Variants in TRPC5 observed in about 807,000 individuals in gnomAD.
TRPC5 encodes the protein short transient receptor potential channel 5.
A neutral mutation model predicts 56.5 loss-of-function variants in TRPC5; 9 were observed. That is an observed-to-expected ratio of 0.16 (90% CI 0.10 to 0.28). The LOEUF (loss-of-function observed/expected upper bound fraction) is 0.28. Ranked by LOEUF, TRPC5 falls within the 10% of genes least tolerant of loss-of-function variation. The probability of loss-of-function intolerance (pLI) is 1.00; values close to 1 mark genes in which losing one functional copy is unlikely to be tolerated. For synonymous variants in TRPC5, 282 were observed against 278.5 expected (o/e 1.01, Z -0.13); for missense variants, 469 against 748.9 (o/e 0.63, Z 4.36).
At chrX:111,916,645 G>A (rs1925985192) in intron 2 of TRPC5, among the ~76,000 whole-genome samples, 2 of 112,106 alleles carry the variant, frequency 1.8e-5, no homozygotes, top group African/African-American at 6.5e-5. Context: ...GATAGAAACT[G>A]GTAAACTGCA....
At chrX:111,821,264 C>A (rs1473757807) in intron 7 of TRPC5, among the ~76,000 whole-genome samples, 10 of 111,475 alleles carry the variant, frequency 9.0e-5, no homozygotes, top group Non-Finnish European at 1.9e-4. Flanking sequence ...AGTTCAAATA[C>A]CCAGGGGGAA....
At chrX:111,787,414 G>C (rs748881390) in intron 7 of TRPC5, among the ~76,000 whole-genome samples, 1 of 111,262 alleles carries the variant, frequency 9.0e-6, no homozygotes, top group South Asian at 3.8e-4. Flanking sequence ...GCAGTGTGTA[G>C]AGGGAAATTT....
intron 2 of TRPC5, among the ~76,000 whole-genome samples, chrX:111,925,479 G>A (rs955684838): frequency 3.6e-5 from 4 of 112,035 alleles, no homozygotes; most frequent in Non-Finnish European, 7.5e-5. Context: ...ATTATCTTTT[G>A]GGGGGTAATA....
At chrX:112,011,516 G>C (rs1928992286) in intron 1 of TRPC5, among the ~76,000 whole-genome samples, 1 of 111,741 alleles carries the variant, frequency 8.9e-6, no homozygotes. Context: ...AGTAAATCCA[G>C]TTATTCATCT....
intron 3 of TRPC5, among the ~76,000 whole-genome samples, chrX:111,875,332 T>C (rs913281745): frequency 2.7e-5 from 3 of 111,416 alleles, no homozygotes; most frequent in African/African-American, 9.8e-5. Context: ...ACATTTCTAG[T>C]GCCTTGAGTT....
intron 2 of TRPC5, among the ~76,000 whole-genome samples, chrX:111,931,734 C>A (rs140554534): frequency 2.7e-5 from 3 of 111,431 alleles, no homozygotes; most frequent in Non-Finnish European, 5.6e-5. Context: ...AACATTAAAT[C>A]GTACTAAATC....
chrX:111,957,748 C>CA (rs1927275163), intron 1 of TRPC5, among the ~76,000 whole-genome samples: 2 of 112,250 alleles, frequency 1.8e-5, no homozygotes, highest in African/African-American at 6.5e-5. Flanking sequence ...ACGCCCAGAG[C>CA]ACTTGGTAGT....
At chrX:111,889,879 C>A (rs1418809516) in intron 3 of TRPC5, among the ~76,000 whole-genome samples, 1 of 111,382 alleles carries the variant, frequency 9.0e-6, no homozygotes, top group Non-Finnish European at 1.9e-5. Context: ...TAATGTTCAG[C>A]TAGGCTTTTT....
chrX:111,832,257 G>A (rs940180271), intron 7 of TRPC5, among the ~76,000 whole-genome samples: 2 of 111,613 alleles, frequency 1.8e-5, no homozygotes, highest in Admixed American at 9.5e-5. Context: ...CAGCATCTCT[G>A]AATCCTGCAT....
At chrX:111,904,080 T>C (rs776590498) in intron 3 of TRPC5, 8 of 111,920 alleles carry the variant, frequency 7.1e-5, no homozygotes, top group Non-Finnish European at 1.5e-4. Context: ...TAGCAGAGCA[T>C]AATAAGAGAG....
chrX:112,043,288 T>C (rs1053962430), intron 1 of TRPC5, among the ~76,000 whole-genome samples: 1 of 111,900 alleles, frequency 8.9e-6, no homozygotes, highest in Non-Finnish European at 1.9e-5. Flanking sequence ...AACATTTTCG[T>C]ATAAAAAGTA....
rs1266027713 is a variant in TRPC5 at position 111,983,976 on chromosome X, C to T, written c.-21-31535G>A. ...CTCAGAACCTGCTCAGGCCTTATCACGTATATATCACTTTTATTTGATGAT... is the reference window on the plus strand; with the variant it reads ...CTCAGAACCTGCTCAGGCCTTATCATGTATATATCACTTTTATTTGATGAT... On this transcript the variant is annotated intron_variant, in intron 1 of 10. Transcript: ENST00000262839. Among the ~76,000 whole-genome samples, 4 of 111,304 alleles carry T rather than the reference C, an allele frequency of 3.6e-5. No homozygotes were observed. In the South Asian group the frequency reaches 1.1e-3, roughly 32 times the overall value.
intron 7 of TRPC5, among the ~76,000 whole-genome samples, chrX:111,818,604 CTTTTTTTTTT>C (rs755881697): frequency 8.5e-5 from 8 of 93,630 alleles, no homozygotes; most frequent in African/African-American, 1.5e-4. Flanking sequence ...TTCTTTTTCT[CTTTTTTTTTT>C]TTTTTTTTTA....
At chrX:112,033,188 G>A (rs371941810) in intron 1 of TRPC5, among the ~76,000 whole-genome samples, 1,805 of 89,183 alleles carry the variant, frequency 0.02, 25 homozygotes, top group Middle Eastern at 0.047. Context: ...TTGGACACAG[G>A]GTGGGGAACA....
At chrX:111,799,152 G>T (rs1921219075) in intron 7 of TRPC5, among the ~76,000 whole-genome samples, 1 of 96,153 alleles carries the variant, frequency 1.0e-5, no homozygotes, top group Admixed American at 1.0e-4. Context: ...GAAGAGATGG[G>T]CTAACTCTAT....
rs1383999788 is a variant in TRPC5, at chrX:111,771,790, CAAAA to C, written c.*4519_*4522del. ...CCTAAATGCTTTTTTTTTTTTTAAA[CAAAA>C]CCAGGAACCTCAAATCTTGATAGCT... On this transcript the variant is annotated 3_prime_UTR_variant, in exon 11 of 11. Transcript: ENST00000262839. Among the ~76,000 whole-genome samples, 5 of 105,024 alleles carry C rather than the reference CAAAA, an allele frequency of 4.8e-5. No homozygotes were observed. Among genetic ancestry groups the C allele is most frequent in the African/African-American group, 1.7e-4 (5 of 28,680 alleles). The allele number at this position is 105,024 out of a possible 115,157, so 91.2% of individuals were successfully genotyped here. A position where few individuals can be genotyped will look rare whatever the true frequency, so the allele number is the denominator to read the frequency against.
chrX:111,955,573 T>C (rs757019884), intron 1 of TRPC5, among the ~76,000 whole-genome samples: 2 of 111,908 alleles, frequency 1.8e-5, no homozygotes, highest in Non-Finnish European at 3.8e-5. Flanking sequence ...TCTGTTGACA[T>C]GCAGACTCAC....
rs773983065 is a variant in TRPC5, at chrX:111,944,267, A to AGTATGTGTGTGTGTGT, written c.378+7775_378+7776insACACACACACACATAC. ...GGCCAAGGAGGTGTGGGAGTAGAAG[A>AGTATGTGTGTGTGTGT]GTGTGTGTGTGTGTGTGTGTGTGTG... On this transcript the variant is annotated intron_variant, in intron 2 of 10. Coordinates refer to ENST00000262839, the MANE Select transcript of TRPC5 (RefSeq NM_012471.3). Among the ~76,000 whole-genome samples the AGTATGTGTGTGTGTGT allele has an allele frequency of 1.7e-3, 123 of 71,735 alleles. 2 individuals carry two copies. The highest frequency in any genetic ancestry group is 4.0e-3 in the African/African-American group (69 of 17,132). 62.3% of individuals were successfully genotyped at this position (71,735 alleles called of 115,157 possible). A position where few individuals can be genotyped will look rare whatever the true frequency, so the allele number is the denominator to read the frequency against.
At chrX:112,062,550 C>G in intron 1 of TRPC5, among the ~76,000 whole-genome samples, 1 of 111,816 alleles carries the variant, frequency 8.9e-6, no homozygotes. Flanking sequence ...TGAGCTGGAT[C>G]TCAAAGGATA....
Sources: allele counts gnomAD v4.1 joint callset (sites outside exome capture counted in the v4.1 genomes callset), GRCh38; gene constraint gnomAD v4.1.1; transcripts MANE v1.5; gene names NCBI Gene and HGNC (gene_info 2026-07-23, HGNC 2026-07-21).